MYH13: variants seen among roughly 807,000 people sequenced by gnomAD.
MYH13 encodes the protein myosin heavy chain 13.
A neutral mutation model predicts 232.1 loss-of-function variants in MYH13; 177 were observed. The observed-to-expected ratio is 0.76, with a 90% confidence interval of 0.67 to 0.86. The LOEUF is 0.86. MYH13 is among the 40% of genes least tolerant of loss of function. The pLI is 0.00. For missense variants in MYH13, 2,246 were observed against 2,405.9 expected (o/e 0.93, Z 1.39); for synonymous variants, 884 against 923.5 (o/e 0.96, Z 0.78).
chr17:10,316,510 C>T (rs1441397394), intron 27 of MYH13, among the ~76,000 whole-genome samples: 1 of 152,104 alleles, frequency 6.6e-6, no homozygotes, highest in Non-Finnish European at 1.5e-5. Flanking sequence ...AGCTCAATCA[C>T]CAATCACTTG....
intron 18 of MYH13, among the ~76,000 whole-genome samples, chr17:10,335,406 G>A (rs2071565664): frequency 6.6e-6 from 1 of 152,098 alleles, no homozygotes; most frequent in Non-Finnish European, 1.5e-5. Flanking sequence ...CAGATAAAGG[G>A]ATAATCAACC....
intron 8 of MYH13, among the ~76,000 whole-genome samples, chr17:10,356,848 ATG>A (rs1477811400): frequency 6.6e-6 from 1 of 152,204 alleles, no homozygotes; most frequent in Non-Finnish European, 1.5e-5. Flanking sequence ...AGAGGGCTGG[ATG>A]TGTGTTTATT....
chr17:10,320,346 T>C lies in MYH13; in HGVS notation c.3257+5A>G. 3 of 1,611,208 alleles carry C rather than the reference T, an allele frequency of 1.9e-6. No individual in the cohort carries two copies. The highest frequency in any genetic ancestry group is 1.7e-6 in the Non-Finnish European group (2 of 1,178,636). On this transcript the variant is annotated splice_donor_5th_base_variant and intron_variant, in intron 25 of 40. Transcript: ENST00000252172. ...AGACACAGAGGTGGTAAAAGAAATA[T>C]CTACTTTTTCAATTTCTCTTCTATT...
At chr17:10,312,524 C>T (rs369093607) in intron 31 of MYH13, 50 bp downstream of exon 31, 55 of 1,549,038 alleles carry the variant, frequency 3.6e-5, no homozygotes, top group Non-Finnish European at 4.7e-5. Flanking sequence ...ATTTCCCCAA[C>T]TTGAATTATC....
Position 10,322,121 on chromosome 17 carries a change from G to A in MYH13, c.2935-413C>T, listed in dbSNP as rs541456217. Among the ~76,000 whole-genome samples, 12 of 152,258 alleles carry A rather than the reference G, an allele frequency of 7.9e-5. No individual in the cohort carries two copies. In the South Asian group the frequency reaches 1.7e-3, roughly 21 times the overall value. ...ACGCAAGAAAATTCACGCCGGGCGC[G>A]GTGGCTCACGCCTGTAATCCCAGCA... On this transcript the variant is annotated intron_variant, in intron 23 of 40. Transcript: ENST00000252172.
chr17:10,364,901 G>A (rs894193035), intron 2 of MYH13, among the ~76,000 whole-genome samples: 1 of 151,970 alleles, frequency 6.6e-6, no homozygotes, highest in Non-Finnish European at 1.5e-5. Flanking sequence ...TTGAGACAGA[G>A]TTTTGCTCCT....
At chr17:10,364,160 A>T (rs2071814712) in intron 3 of MYH13, among the ~76,000 whole-genome samples, 167 bp downstream of exon 3, 2 of 152,246 alleles carry the variant, frequency 1.3e-5, no homozygotes, top group South Asian at 4.1e-4. Flanking sequence ...GCAAGAGTGA[A>T]GGTGCATGTA....
At chr17:10,329,646 C>G (rs1262527951) in intron 21 of MYH13, among the ~76,000 whole-genome samples, 1 of 152,150 alleles carries the variant, frequency 6.6e-6, no homozygotes, top group East Asian at 1.9e-4. Context: ...CGGGCTTCCT[C>G]CCAGACCACC....
At chr17:10,315,007 A>G (rs1322014911) in intron 29 of MYH13, among the ~76,000 whole-genome samples, 1 of 152,204 alleles carries the variant, frequency 6.6e-6, no homozygotes, top group Admixed American at 6.5e-5. Flanking sequence ...CAGGTGGTAT[A>G]GGAGGTGACA....
chr17:10,324,617 G>A (rs915595105), intron 22 of MYH13, among the ~76,000 whole-genome samples: 1 of 150,970 alleles, frequency 6.6e-6, no homozygotes, highest in Non-Finnish European at 1.5e-5. Context: ...GCTAATCTTT[G>A]TATTTTTTTG....
rs766055541 is a variant in MYH13 at position 10,364,558 on chromosome 17, G to A, written c.-12-16C>T. The A allele has an allele frequency of 6.4e-7, 1 of 1,559,626 alleles. No homozygotes were observed. Among genetic ancestry groups the A allele is most frequent in the Admixed American group, 1.9e-5 (1 of 52,294 alleles). ...CTGCAGAGGGCTGGGAAGACCAGAG[G>A]GACTGCTGAGTCTTGTGCTTGGGTG... On this transcript the variant is annotated splice_polypyrimidine_tract_variant and intron_variant, in intron 2 of 40. Coordinates refer to ENST00000252172, the MANE Select transcript of MYH13 (RefSeq NM_003802.3).
chr17:10,341,420 A>T (rs2071618936), intron 16 of MYH13: 1 of 152,330 alleles, frequency 6.6e-6, no homozygotes, highest in African/African-American at 2.4e-5. Flanking sequence ...CTAAAGAGTA[A>T]GTAACTGAAA....
At chr17:10,355,014 T>C (rs1234620791) in intron 9 of MYH13, 21 bp from the exon 10 acceptor site, 1 of 1,609,964 alleles carries the variant, frequency 6.2e-7, no homozygotes, top group East Asian at 2.2e-5. Flanking sequence ...AAAAATAACG[T>C]GATTTCAGGC....
intron 2 of MYH13, among the ~76,000 whole-genome samples, chr17:10,366,110 A>G (rs939400530): frequency 3.3e-5 from 5 of 152,034 alleles, no homozygotes; most frequent in Non-Finnish European, 5.9e-5. Flanking sequence ...CCCACTTATA[A>G]GGGAGAAGCC....
rs1906829526 is a variant in MYH13, at chr17:10,318,988, C to T, written c.3540G>A (p.Arg1180=). 6.2e-7 allele frequency: 1 copy of T among 1,614,008 alleles called. No homozygotes were observed. The highest frequency in any genetic ancestry group is 1.3e-5 in the African/African-American group (1 of 74,908). Residue 1180 remains arginine, a synonymous_variant, in exon 27 of 41, where the codon AGG becomes AGA. Transcript: ENST00000252172. The part of the protein sequence containing the change: ...KREAEFQKMR[R]DLEEATLQHE... Reference sequence around the variant, plus strand: ...GCTGCAGGGTGGCCTCCTCCAGGTCCCTGCGCATTTTCTGGAACTCAGCCT... The same window carrying T: ...GCTGCAGGGTGGCCTCCTCCAGGTCTCTGCGCATTTTCTGGAACTCAGCCT...
At chr17:10,362,298 A>G in intron 4 of MYH13, 24 bp from the exon 5 acceptor site, 2 of 1,613,900 alleles carry the variant, frequency 1.2e-6, no homozygotes, top group Non-Finnish European at 8.5e-7. Flanking sequence ...AACATTTATC[A>G]TTTGGATCTC....
Position 10,355,828 on chromosome 17 carries a change from C to CTTTTTTTTTTTTTTTT in MYH13, c.739-697_739-682dup, listed in dbSNP as rs61338527. ...TAACTGGTTGGATTGTTCTGTCTGA[C>CTTTTTTTTTTTTTTTT]TTTTTTTTTTTTTTTTTTTTTTTTT... On this transcript the variant is annotated intron_variant, in intron 8 of 40. Transcript: ENST00000252172. 2.1e-4 allele frequency among the ~76,000 whole-genome samples: 14 copies of CTTTTTTTTTTTTTTTT among 66,770 alleles called. 2 individuals are homozygous for CTTTTTTTTTTTTTTTT. The highest frequency in any genetic ancestry group is 2.6e-4 in the Non-Finnish European group (10 of 38,272). 43.8% of individuals were successfully genotyped at this position (66,770 alleles called of 152,430 possible).
rs758783505 is a variant in MYH13 at position 10,340,197 on chromosome 17, T to C, written c.2009A>G (p.His670Arg). 2.0e-5 allele frequency: 32 copies of C among 1,614,002 alleles called. No homozygotes were observed. Among genetic ancestry groups the C allele is most frequent in the South Asian group, 8.8e-5 (8 of 91,056 alleles). ...NKLMTNLRST[H>R]PHFVRCLIPN... ...AATCAGACATCGTACAAAGTGAGGGTGGGTGCTCCTTAAGTTAGTCATCAA... is the reference window on the plus strand; with the variant it reads ...AATCAGACATCGTACAAAGTGAGGGCGGGTGCTCCTTAAGTTAGTCATCAA... The change falls in exon 18 of 41, where the codon CAC becomes CGC. Residue 670 changes from histidine (H) to arginine (R), a missense_variant. Coordinates refer to ENST00000252172, the MANE Select transcript of MYH13 (RefSeq NM_003802.3).
In MYH13 at chr17:10,303,263, C is replaced by G; in HGVS notation, c.5600G>C (p.Arg1867Thr). Residue 1867 changes from arginine to threonine, a missense_variant, in exon 39 of 41, where the codon AGG (arginine) becomes ACG (threonine). Transcript: ENST00000252172. ...QAEEDHKNIL[R>T]LQDLVDKLQA... ...CAGCTTGTCCACCAGGTCCTGGAGC[C>G]TAAGGATATTCTTGTGGTCCTCCTC... The G allele has an allele frequency of 6.2e-7, 1 of 1,613,714 alleles. No homozygotes were observed. Among genetic ancestry groups the G allele is most frequent in the Non-Finnish European group, 8.5e-7 (1 of 1,179,806 alleles).
Sources: gnomAD v4.1 joint callset for allele counts (sites outside exome capture counted in the v4.1 genomes callset) on GRCh38, gnomAD v4.1.1 for gene constraint, MANE v1.5 for transcripts, NCBI Gene and HGNC (gene_info 2026-07-23, HGNC 2026-07-21) for gene names.